TDRD3: variants seen among roughly 807,000 people sequenced by gnomAD.
The protein encoded by TDRD3 is tudor domain containing 3.
TDRD3 carries 45 observed loss-of-function variants against 86.7 expected under a neutral mutation model. The observed-to-expected ratio is 0.52, with a 90% CI of 0.41 to 0.67. The LOEUF (loss-of-function observed/expected upper bound fraction) is 0.67, where lower values mean the gene tolerates loss of function less well. Among genes scored for constraint, TDRD3 ranks in the 30% least tolerant of loss-of-function variants. TDRD3 has a pLI of 0.00. For missense variants in TDRD3, 814 were observed against 889.0 expected (o/e 0.92, Z 1.07); for synonymous variants, 298 against 301.7 (o/e 0.99, Z 0.13).
At chr13:60,509,614 A>G (rs1957014559) in intron 8 of TDRD3, 149 bp from the exon 9 acceptor site, 1 of 1,003,792 alleles carries the variant, frequency 1.0e-6, no homozygotes, top group Non-Finnish European at 1.5e-6. Flanking sequence ...TGCCTCTTGT[A>G]AAAAATCAGC....
chr13:60,510,554 G>C, intron 9 of TDRD3, 76 bp from the exon 10 acceptor site: 1 of 1,284,698 alleles, frequency 7.8e-7, no homozygotes, highest in Non-Finnish European at 1.0e-6. Context: ...TAAAATTATT[G>C]TTGGTTATAT....
intron 3 of TDRD3, among the ~76,000 whole-genome samples, chr13:60,448,776 G>A (rs1490623873): frequency 6.6e-6 from 1 of 152,164 alleles, no homozygotes; most frequent in Admixed American, 6.6e-5. Context: ...AAAAAGTCAT[G>A]ATAAAAAGGA....
intron 5 of TDRD3, among the ~76,000 whole-genome samples, chr13:60,478,022 A>AT (rs35880320): frequency 0.14 from 20,831 of 151,284 alleles, 1,493 homozygotes; most frequent in East Asian, 0.2. Context: ...TGGTTAAGAG[A>AT]TTTTTTTTTA....
intron 1 of TDRD3, among the ~76,000 whole-genome samples, chr13:60,435,118 G>A (rs1478616094): frequency 6.6e-6 from 1 of 152,108 alleles, no homozygotes; most frequent in Non-Finnish European, 1.5e-5. Flanking sequence ...GTCCTTCTGT[G>A]ACAATCGTCC....
chr13:60,489,638 A>G (rs569979327), intron 7 of TDRD3, among the ~76,000 whole-genome samples: 3 of 152,308 alleles, frequency 2.0e-5, no homozygotes, highest in African/African-American at 7.2e-5. Flanking sequence ...AGCTAATACT[A>G]CTGCTACTTG....
intron 7 of TDRD3, among the ~76,000 whole-genome samples, chr13:60,487,005 C>T (rs558309490): frequency 6.6e-6 from 1 of 152,168 alleles, no homozygotes; most frequent in Admixed American, 6.5e-5. Flanking sequence ...GTGGATTCAA[C>T]TCTTCCTAAC....
chr13:60,396,431 A>T (rs1385438439), upstream of TDRD3: 1 of 152,226 alleles, frequency 6.6e-6, no homozygotes, highest in Admixed American at 6.5e-5. Context: ...CCGCTGGGCG[A>T]CGGCGGCGCG....
At chr13:60,456,447 C>T (rs2138034690) in intron 3 of TDRD3, among the ~76,000 whole-genome samples, 1 of 152,282 alleles carries the variant, frequency 6.6e-6, no homozygotes, top group Admixed American at 6.5e-5. Flanking sequence ...GTTAGACATG[C>T]TTACCTGGAG....
chr13:60,523,362 A>G (rs1262118920), intron 10 of TDRD3, among the ~76,000 whole-genome samples: 1 of 152,132 alleles, frequency 6.6e-6, no homozygotes, highest in Non-Finnish European at 1.5e-5. Flanking sequence ...TTGCATTTCA[A>G]ATCATGGTGA....
chr13:60,571,017 C>T (rs149393189), intron 13 of TDRD3, among the ~76,000 whole-genome samples: 62 of 152,174 alleles, frequency 4.1e-4, no homozygotes, highest in African/African-American at 5.5e-4. Context: ...AAACTTCCAT[C>T]GACAAAATGC....
chr13:60,485,164 C>T, intron 6 of TDRD3, among the ~76,000 whole-genome samples: 1 of 151,880 alleles, frequency 6.6e-6, no homozygotes, highest in African/African-American at 2.4e-5. Context: ...TTCCCATTTT[C>T]CTTTTTATTA....
chr13:60,492,464 A>T (rs760243777), intron 7 of TDRD3, among the ~76,000 whole-genome samples: 2 of 152,190 alleles, frequency 1.3e-5, no homozygotes, highest in Non-Finnish European at 2.9e-5. Context: ...AGTTTTAAAG[A>T]TGAAAAACCT....
chr13:60,564,993 A>G (rs1190375381), intron 12 of TDRD3, among the ~76,000 whole-genome samples: 2 of 150,010 alleles, frequency 1.3e-5, no homozygotes, highest in African/African-American at 4.9e-5. Flanking sequence ...TAAAAAGCAC[A>G]GATTGTGACT....
chr13:60,467,192 T>C, intron 4 of TDRD3, 46 bp from the exon 5 acceptor site: 1 of 1,605,268 alleles, frequency 6.2e-7, no homozygotes, highest in Non-Finnish European at 8.5e-7. Context: ...TGTGTCCATG[T>C]GTTCTCAGCT....
chr13:60,403,134 AT>A lies in TDRD3; in HGVS notation c.41+5743del, dbSNP rs11393806. 1.5e-3 allele frequency among the ~76,000 whole-genome samples: 216 copies of A among 146,140 alleles called. 3 individuals are homozygous for A. Among genetic ancestry groups the A allele is most frequent in the East Asian group, 0.014 (69 of 4,990 alleles). Reference sequence around the variant, plus strand: ...AGGTTTCAAGGTGCTGTTTGCAGTGATTTTTTTTTTTTTTCTGGTGACTAAC... The same window carrying A: ...AGGTTTCAAGGTGCTGTTTGCAGTGATTTTTTTTTTTTTCTGGTGACTAAC... On this transcript the variant is annotated intron_variant, in intron 1 of 13. Coordinates refer to ENST00000377881, the MANE Select transcript of TDRD3 (RefSeq NM_001146070.2).
intron 6 of TDRD3, chr13:60,484,543 G>A: frequency 2.7e-6 from 1 of 365,230 alleles, no homozygotes; most frequent in East Asian, 7.3e-5. Context: ...GTGTGTGTGT[G>A]TCCAAATTTT....
At position 60,514,325 on chromosome 13, in the gene TDRD3, T is replaced by C. The variant is rs141233117; in HGVS notation, c.1141+3570T>C. On this transcript the variant is annotated intron_variant, in intron 10 of 13. Coordinates refer to ENST00000377881, the MANE Select transcript of TDRD3 (RefSeq NM_001146070.2). ...GGTTGCTGTTAAAGGCATTCAGTTT[T>C]AAAGGGAAAACACATGATAAAAGTT... 2.0e-5 allele frequency among the ~76,000 whole-genome samples: 3 copies of C among 152,304 alleles called. No individual in the cohort carries two copies. In the East Asian group the frequency reaches 5.8e-4, roughly 29 times the overall value.
At chr13:60,564,713 AT>A (rs1958410028) in intron 12 of TDRD3, among the ~76,000 whole-genome samples, 1 of 152,220 alleles carries the variant, frequency 6.6e-6, no homozygotes, top group Admixed American at 6.5e-5. Flanking sequence ...TTTGTAAACT[AT>A]GAAATTAAAA....
intron 2 of TDRD3, among the ~76,000 whole-genome samples, chr13:60,441,176 T>A (rs1955259177): frequency 6.6e-6 from 1 of 152,190 alleles, no homozygotes; most frequent in Non-Finnish European, 1.5e-5. Flanking sequence ...TGTCTTGCAC[T>A]GAAATTAGTT....
Sources: allele counts gnomAD v4.1 joint callset (sites outside exome capture counted in the v4.1 genomes callset), GRCh38; gene constraint gnomAD v4.1.1; transcripts MANE v1.5; gene names NCBI Gene and HGNC (gene_info 2026-07-23, HGNC 2026-07-21).